Variants in SLC25A27 observed in about 807,000 individuals in gnomAD.
The protein encoded by SLC25A27 is solute carrier family 25 member 27, also known as mitochondrial uncoupling protein 4.
A neutral mutation model predicts 49.1 loss-of-function variants in SLC25A27; 35 were observed. The observed-to-expected ratio is 0.71, with a 90% CI of 0.54 to 0.95. The LOEUF (loss-of-function observed/expected upper bound fraction) is 0.95, where lower values mean the gene tolerates loss of function less well. Among genes scored for constraint, SLC25A27 ranks in the 40% least tolerant of loss-of-function variants. SLC25A27 has a pLI of 0.00. For synonymous variants in SLC25A27, 144 were observed against 136.9 expected (o/e 1.05, Z -0.36); for missense variants, 339 against 397.1 (o/e 0.85, Z 1.24).
At chr6:46,669,374 C>A (rs537014017) in intron 6 of SLC25A27, among the ~76,000 whole-genome samples, 69 of 152,286 alleles carry the variant, frequency 4.5e-4, no homozygotes, top group African/African-American at 1.5e-3. Flanking sequence ...AGGAGCAGTA[C>A]CTTGATCTCT....
At position 46,676,563 on chromosome 6, in the gene SLC25A27, C is replaced by A. The variant is rs1299465661; in HGVS notation, c.*109C>A. On this transcript the variant is annotated 3_prime_UTR_variant, in exon 9 of 9. Coordinates refer to ENST00000371347, the MANE Select transcript of SLC25A27 (RefSeq NM_004277.5). Reference sequence around the variant, plus strand: ...CTACCTCTTTAGGAAGACACCTATTCCACAGAGACTGATTTATAGGGGGCA... The same window carrying A: ...CTACCTCTTTAGGAAGACACCTATTACACAGAGACTGATTTATAGGGGGCA... The A allele has an allele frequency of 1.9e-6, 3 of 1,595,502 alleles. No homozygotes were observed. The highest frequency in any genetic ancestry group is 2.6e-6 in the Non-Finnish European group (3 of 1,169,718).
At chr6:46,654,504 C>T (rs960694460) in intron 1 of SLC25A27, among the ~76,000 whole-genome samples, 1 of 151,728 alleles carries the variant, frequency 6.6e-6, no homozygotes, top group Non-Finnish European at 1.5e-5. Flanking sequence ...TTGATGTGTC[C>T]CCCTCTGACT....
At chr6:46,662,612 T>A (rs1005673959) in intron 4 of SLC25A27, 114 bp downstream of exon 4, 36 of 1,137,530 alleles carry the variant, frequency 3.2e-5, no homozygotes, top group Non-Finnish European at 4.6e-5. Context: ...ACTTCTGACT[T>A]TTTTAATCTG....
intron 1 of SLC25A27, among the ~76,000 whole-genome samples, chr6:46,655,535 GTTTTTTTTTTTTTTTTTTTT>G (rs773585919): frequency 9.4e-3 from 101 of 10,738 alleles, no homozygotes; most frequent in Middle Eastern, 0.038. Context: ...GTTAATGTTT[GTTTTTTTTTTTTTTTTTTTT>G]TTTTTTTTTT....
In SLC25A27 at chr6:46,655,892, A is replaced by G; in HGVS notation, c.156A>G (p.Glu52=). The stretch of plus-strand genomic sequence containing the variant: ...AAACTCGACTCCAAATGCAAGGAGA[A>G]GCAGCTCTTGCTCGGTTGGGAGACG... The part of the protein sequence containing the change: ...LTKTRLQMQG[E]AALARLGDGA... Residue 52 remains glutamate (E), a synonymous_variant, in exon 2 of 9, where the codon GAA becomes GAG. Transcript: ENST00000371347. 1 of 1,613,948 alleles carries G rather than the reference A, an allele frequency of 6.2e-7. No individual in the cohort carries two copies. The highest frequency in any genetic ancestry group is 1.1e-5 in the South Asian group (1 of 91,050).
intron 2 of SLC25A27, among the ~76,000 whole-genome samples, chr6:46,656,312 C>G (rs963841824): frequency 1.3e-5 from 2 of 151,206 alleles, no homozygotes; most frequent in African/African-American, 4.9e-5. Context: ...TCCTGAGTAG[C>G]TGGGACTACA....
intron 1 of SLC25A27, chr6:46,653,756 G>A: frequency 1.0e-6 from 1 of 985,300 alleles, no homozygotes. Flanking sequence ...GCCACTCACA[G>A]AGCATCGACT....
At chr6:46,659,242 A>G (rs1763083878) in intron 3 of SLC25A27, among the ~76,000 whole-genome samples, 196 bp downstream of exon 3, 1 of 152,242 alleles carries the variant, frequency 6.6e-6, no homozygotes, top group South Asian at 2.1e-4. Flanking sequence ...TATAAATTGC[A>G]TATATAGAGA....
chr6:46,658,578 C>A, intron 2 of SLC25A27: 1 of 406,440 alleles, frequency 2.5e-6, no homozygotes, highest in Non-Finnish European at 4.8e-6. Context: ...ATAGAGCCTG[C>A]CTGGAGAAGC....
chr6:46,663,638 CCT>C (rs1282441792), intron 4 of SLC25A27, among the ~76,000 whole-genome samples: 1 of 151,880 alleles, frequency 6.6e-6, no homozygotes. Context: ...GTTTTTTTCC[CCT>C]CTTTGTTCTT....
At chr6:46,655,542 T>G (rs1243555304) in intron 1 of SLC25A27, among the ~76,000 whole-genome samples, 2 of 28,008 alleles carry the variant, frequency 7.1e-5, no homozygotes, top group Non-Finnish European at 1.4e-4. Flanking sequence ...TTTGTTTTTT[T>G]TTTTTTTTTT....
intron 8 of SLC25A27, among the ~76,000 whole-genome samples, chr6:46,673,153 T>C (rs572146708): frequency 1.3e-5 from 2 of 152,324 alleles, no homozygotes; most frequent in African/African-American, 4.8e-5. Flanking sequence ...GTTAAACATG[T>C]AAGTAGTTAA....
rs375182984 is a variant in SLC25A27 at position 46,667,817 on chromosome 6, T to C, written c.620-892T>C. Among the ~76,000 whole-genome samples, 38 of 152,344 alleles carry C rather than the reference T, an allele frequency of 2.5e-4. No homozygotes were observed. The East Asian group carries it at 7.1e-3, about 29-fold the overall frequency. On this transcript the variant is annotated intron_variant, in intron 5 of 8. Transcript: ENST00000371347. The stretch of plus-strand genomic sequence containing the variant: ...GGCATTTACTTCAAGAGCAAGTGCA[T>C]CTGAAACACCATGTAGTTTACTTTA...
At chr6:46,654,181 T>C in intron 1 of SLC25A27, 1 of 942,250 alleles carries the variant, frequency 1.1e-6, no homozygotes, top group Non-Finnish European at 1.3e-6. Context: ...CTTAACTGTG[T>C]ATTTTAAGAT....
At chr6:46,670,331 G>A (rs1324010675) in intron 7 of SLC25A27, 104 bp downstream of exon 7, 1 of 778,040 alleles carries the variant, frequency 1.3e-6, no homozygotes, top group Non-Finnish European at 2.0e-6. Flanking sequence ...GTATTTGTGT[G>A]TTTTTTGAGA....
In SLC25A27 at chr6:46,653,202, C is replaced by T. The variant is rs1194696782; in HGVS notation, c.10C>T (p.Pro4Ser). The change falls in exon 1 of 9, where the codon CCG becomes TCG. Residue 4 changes from proline (P) to serine (S), a missense_variant. By Grantham distance (74) the Pro-to-Ser change is moderately conservative. Coordinates refer to ENST00000371347, the MANE Select transcript of SLC25A27 (RefSeq NM_004277.5). MSVPEEEERLLPLT... is the reference protein window; with the variant it reads MSVSEEEERLLPLT... ...CTTGCGCTACTGCTGAATGTCCGTCCCGGAGGAGGAGGAGAGGCTTTTGCC... is the reference window on the plus strand; with the variant it reads ...CTTGCGCTACTGCTGAATGTCCGTCTCGGAGGAGGAGGAGAGGCTTTTGCC... 1.2e-6 allele frequency: 2 copies of T among 1,613,374 alleles called. No individual in the cohort carries two copies. The highest frequency in any genetic ancestry group is 1.1e-5 in the South Asian group (1 of 90,978).
chr6:46,658,695 A>G (rs1763067732), intron 2 of SLC25A27: 1 of 465,268 alleles, frequency 2.1e-6, no homozygotes, highest in Non-Finnish European at 3.9e-6. Context: ...GAGTCCTGAA[A>G]GACAAGGAGA....
rs1036178056 is a variant in SLC25A27, at chr6:46,653,760, A to G, written c.106+462A>G. ...GTTATTAACCTGCCACTCACAGAGC[A>G]TCGACTACTTGACCTCTTTGAGTGT... On this transcript the variant is annotated intron_variant, in intron 1 of 8. Coordinates refer to ENST00000371347, the MANE Select transcript of SLC25A27 (RefSeq NM_004277.5). 9 of 985,004 alleles carry G rather than the reference A, an allele frequency of 9.1e-6. No individual in the cohort carries two copies. In the African/African-American group the frequency reaches 1.6e-4, roughly 17 times the overall value. The allele number at this position is 985,004 out of a possible 1,614,324, so 61.0% of individuals were successfully genotyped here.
chr6:46,662,085 A>G (rs972439594), intron 3 of SLC25A27, among the ~76,000 whole-genome samples: 2 of 152,150 alleles, frequency 1.3e-5, no homozygotes, highest in African/African-American at 4.8e-5. Flanking sequence ...TGTAGTTGGA[A>G]TTAAACTACA....
Sources: allele counts gnomAD v4.1 joint callset (sites outside exome capture counted in the v4.1 genomes callset), GRCh38; gene constraint gnomAD v4.1.1; transcripts MANE v1.5; gene names NCBI Gene and HGNC (gene_info 2026-07-23, HGNC 2026-07-21).